ADAMTS12: variants seen among roughly 807,000 people sequenced by gnomAD.
ADAMTS12 encodes the protein A disintegrin and metalloproteinase with thrombospondin motifs 12.
In ADAMTS12, 118 loss-of-function variants were observed where a neutral mutation model predicts 167.8. That is an observed-to-expected ratio of 0.70 (90% confidence interval 0.61 to 0.82). The LOEUF (loss-of-function observed/expected upper bound fraction) is 0.82. Among genes scored for constraint, ADAMTS12 ranks in the 40% least tolerant of loss-of-function variants. The pLI, the probability that ADAMTS12 is intolerant of heterozygous loss-of-function variation, is 0.00. For missense variants in ADAMTS12, 1,916 were observed against 1,998.8 expected (o/e 0.96, Z 0.79); for synonymous variants, 704 against 716.9 (o/e 0.98, Z 0.29).
chr5:33,836,831 G>C (rs2111575277), intron 2 of ADAMTS12, among the ~76,000 whole-genome samples: 1 of 152,306 alleles, frequency 6.6e-6, no homozygotes. Flanking sequence ...AAGGTGGCCA[G>C]AGCCTAGAGG....
At chr5:33,750,573 A>G (rs988092227) in intron 3 of ADAMTS12, among the ~76,000 whole-genome samples, 2 of 152,126 alleles carry the variant, frequency 1.3e-5, no homozygotes, top group Non-Finnish European at 2.9e-5. Flanking sequence ...AATGTTAGGG[A>G]TTCCTTTTGT....
chr5:33,678,821 T>C (rs1742010692), intron 5 of ADAMTS12, among the ~76,000 whole-genome samples: 1 of 152,108 alleles, frequency 6.6e-6, no homozygotes, highest in Non-Finnish European at 1.5e-5. Flanking sequence ...GGAAACAAGA[T>C]GAAAAGAAAT....
chr5:33,751,394 G>A lies in ADAMTS12; in HGVS notation c.634+10C>T. 1 of 1,613,998 alleles carries A rather than the reference G, an allele frequency of 6.2e-7. No individual in the cohort carries two copies. Among genetic ancestry groups the A allele is most frequent in the East Asian group, 2.2e-5 (1 of 44,888 alleles). ...TTCTTCAACCCAGGAGGACATGTGA[G>A]TCACAATACCCTTTAATCCACAGGT... On this transcript the variant is annotated intron_variant, in intron 3 of 23. Transcript: ENST00000504830.
intron 2 of ADAMTS12, among the ~76,000 whole-genome samples, chr5:33,805,281 T>C (rs1212170631): frequency 6.6e-6 from 1 of 152,110 alleles, no homozygotes; most frequent in Non-Finnish European, 1.5e-5. Context: ...TATAACAAAT[T>C]TTAAAAATTA....
At chr5:33,810,178 G>A (rs1325868653) in intron 2 of ADAMTS12, among the ~76,000 whole-genome samples, 1 of 151,866 alleles carries the variant, frequency 6.6e-6, no homozygotes, top group African/African-American at 2.4e-5. Flanking sequence ...AACGCTACTG[G>A]GTAAACAGAA....
At chr5:33,623,564 CA>C (rs1345705971) in intron 14 of ADAMTS12, among the ~76,000 whole-genome samples, 3 of 152,118 alleles carry the variant, frequency 2.0e-5, no homozygotes, top group African/African-American at 7.2e-5. Flanking sequence ...CAAAGCTGCA[CA>C]GAGAAGAAAC....
At chr5:33,738,423 T>C (rs1744443437) in intron 3 of ADAMTS12, among the ~76,000 whole-genome samples, 1 of 152,130 alleles carries the variant, frequency 6.6e-6, no homozygotes, top group South Asian at 2.1e-4. Flanking sequence ...GAAATGAAGG[T>C]ATGCAAATTA....
At chr5:33,580,213 A>G (rs1272605159) in intron 18 of ADAMTS12, among the ~76,000 whole-genome samples, 2 of 152,256 alleles carry the variant, frequency 1.3e-5, no homozygotes, top group Non-Finnish European at 2.9e-5. Context: ...AAGAAATACC[A>G]GACAGGGAAA....
At chr5:33,805,437 C>T (rs912459947) in intron 2 of ADAMTS12, among the ~76,000 whole-genome samples, 1 of 152,166 alleles carries the variant, frequency 6.6e-6, no homozygotes, top group Non-Finnish European at 1.5e-5. Context: ...GAGACCCCAG[C>T]AAGGCTCAAG....
intron 3 of ADAMTS12, among the ~76,000 whole-genome samples, chr5:33,703,765 T>C (rs1743087975): frequency 6.6e-6 from 1 of 152,150 alleles, no homozygotes; most frequent in Admixed American, 6.6e-5. Flanking sequence ...GTAAATTAAA[T>C]AAAATTTACA....
intron 2 of ADAMTS12, among the ~76,000 whole-genome samples, chr5:33,797,421 T>G (rs991368179): frequency 1.6e-5 from 2 of 123,428 alleles, no homozygotes; most frequent in African/African-American, 5.5e-5. Flanking sequence ...TGCTAGCACT[T>G]TGATAAATCT....
At chr5:33,529,279 C>G (rs1187333749) in intron 23 of ADAMTS12, among the ~76,000 whole-genome samples, 1 of 152,186 alleles carries the variant, frequency 6.6e-6, no homozygotes, top group East Asian at 1.9e-4. Flanking sequence ...TTTTCCCATA[C>G]ATGAGTCAGG....
At chr5:33,839,661 GT>G (rs1364585629) in intron 2 of ADAMTS12, among the ~76,000 whole-genome samples, 1 of 152,052 alleles carries the variant, frequency 6.6e-6, no homozygotes, top group Non-Finnish European at 1.5e-5. Context: ...TGCCTCCTAG[GT>G]TTGACTGTCC....
intron 2 of ADAMTS12, among the ~76,000 whole-genome samples, chr5:33,808,747 A>C (rs1429307311): frequency 6.6e-6 from 1 of 152,242 alleles, no homozygotes; most frequent in African/African-American, 2.4e-5. Flanking sequence ...AAAAGCTTGG[A>C]AACCACTGAT....
chr5:33,687,547 T>C (rs1256409974), intron 3 of ADAMTS12, among the ~76,000 whole-genome samples: 1 of 152,238 alleles, frequency 6.6e-6, no homozygotes, highest in Non-Finnish European at 1.5e-5. Context: ...CTTGACTTTA[T>C]GCAAAAACCA....
chr5:33,721,917 T>C (rs1335551027), intron 3 of ADAMTS12, among the ~76,000 whole-genome samples: 1 of 152,234 alleles, frequency 6.6e-6, no homozygotes, highest in Non-Finnish European at 1.5e-5. Flanking sequence ...CCATGGTCTT[T>C]GTTCACAGTG....
intron 2 of ADAMTS12, among the ~76,000 whole-genome samples, chr5:33,797,056 G>T (rs1460010741): frequency 6.6e-6 from 1 of 152,182 alleles, no homozygotes; most frequent in African/African-American, 2.4e-5. Context: ...AGGACTCTGA[G>T]AAACCTTCTT....
chr5:33,557,615 G>A (rs1745542897), intron 20 of ADAMTS12, among the ~76,000 whole-genome samples: 1 of 152,042 alleles, frequency 6.6e-6, no homozygotes. Flanking sequence ...AGGTGACAAA[G>A]TGAGACCCCA....
At chr5:33,686,825 T>C (rs1272700286) in intron 3 of ADAMTS12, among the ~76,000 whole-genome samples, 3 of 150,844 alleles carry the variant, frequency 2.0e-5, no homozygotes, top group Non-Finnish European at 4.4e-5. Flanking sequence ...GAGAGATGTA[T>C]ATATCTTCCT....
Sources: gnomAD v4.1 joint callset for allele counts (sites outside exome capture counted in the v4.1 genomes callset) on GRCh38, gnomAD v4.1.1 for gene constraint, MANE v1.5 for transcripts, NCBI Gene and HGNC (gene_info 2026-07-23, HGNC 2026-07-21) for gene names.